Variants in ADGRL2 observed in about 807,000 individuals in gnomAD.
ADGRL2 encodes the protein adhesion G protein-coupled receptor L2, also known as calcium-independent alpha-latrotoxin receptor 2.
In ADGRL2, 44 loss-of-function variants were observed where a neutral mutation model predicts 157.4. That is an observed-to-expected ratio of 0.28 (90% CI 0.22 to 0.36). The LOEUF is 0.36. Among genes scored for constraint, ADGRL2 ranks in the 10% least tolerant of loss-of-function variants. The pLI is 1.00. For synonymous variants in ADGRL2, 585 were observed against 624.7 expected (o/e 0.94, Z 0.95); for missense variants, 1,510 against 1,768.9 (o/e 0.85, Z 2.63).
intron 2 of ADGRL2, among the ~76,000 whole-genome samples, chr1:81,575,379 T>C (rs956010704): frequency 2.6e-5 from 4 of 152,170 alleles, no homozygotes; most frequent in African/African-American, 4.8e-5. Context: ...GTTTTTACTA[T>C]TGTTTTGCCT....
chr1:81,573,847 T>C (rs1338080452), intron 2 of ADGRL2, among the ~76,000 whole-genome samples: 1 of 152,184 alleles, frequency 6.6e-6, no homozygotes, highest in Non-Finnish European at 1.5e-5. Flanking sequence ...TACCAAGTCT[T>C]ATTTTATATG....
intron 1 of ADGRL2, among the ~76,000 whole-genome samples, chr1:81,704,495 C>T (rs567397136): frequency 1.5e-4 from 23 of 152,220 alleles, no homozygotes; most frequent in African/African-American, 5.5e-4. Flanking sequence ...ATGTCTGGGC[C>T]TTCAAGGACC....
intron 11 of ADGRL2, among the ~76,000 whole-genome samples, chr1:81,960,456 T>C (rs1238749681): frequency 6.6e-6 from 1 of 152,102 alleles, no homozygotes; most frequent in South Asian, 2.1e-4. Context: ...AAATTCCCTT[T>C]TATTTATTGT....
chr1:81,923,860 C>G (rs1277673246), intron 3 of ADGRL2, among the ~76,000 whole-genome samples: 1 of 152,174 alleles, frequency 6.6e-6, no homozygotes, highest in Non-Finnish European at 1.5e-5. Context: ...ACAACAGTAC[C>G]CACTGCTCTT....
At chr1:81,546,333 T>C (rs1208333338) in intron 2 of ADGRL2, among the ~76,000 whole-genome samples, 1 of 152,216 alleles carries the variant, frequency 6.6e-6, no homozygotes, top group Non-Finnish European at 1.5e-5. Flanking sequence ...TTTTCTTTTT[T>C]GAATACTCAT....
At chr1:81,809,848 G>A (rs1264718303) in intron 1 of ADGRL2, among the ~76,000 whole-genome samples, 1 of 151,874 alleles carries the variant, frequency 6.6e-6, no homozygotes, top group African/African-American at 2.4e-5. Context: ...TTTTGAAAAT[G>A]GTATGACATA....
intron 23 of ADGRL2, chr1:81,989,716 C>A: frequency 6.2e-7 from 1 of 1,610,016 alleles, no homozygotes; most frequent in South Asian, 1.1e-5. Flanking sequence ...CAAAGTGAGT[C>A]ATTCCACCTG....
chr1:81,911,419 A>T (rs1355315038), intron 3 of ADGRL2, among the ~76,000 whole-genome samples: 3 of 152,204 alleles, frequency 2.0e-5, no homozygotes, highest in African/African-American at 4.8e-5. Context: ...TGATTAACAA[A>T]TTAATGAGAA....
chr1:81,841,008 A>T (rs2092555611), intron 2 of ADGRL2, among the ~76,000 whole-genome samples: 1 of 152,152 alleles, frequency 6.6e-6, no homozygotes, highest in African/African-American at 2.4e-5. Flanking sequence ...TATGCTGTAT[A>T]ATGGAGCCTT....
chr1:81,637,695 A>G (rs1268572984), intron 3 of ADGRL2, among the ~76,000 whole-genome samples: 2 of 152,218 alleles, frequency 1.3e-5, no homozygotes, highest in East Asian at 1.9e-4. Context: ...TGGAATTTTG[A>G]AGAAACAGAC....
chr1:81,840,312 G>C (rs1465618565), intron 2 of ADGRL2, among the ~76,000 whole-genome samples: 3 of 152,024 alleles, frequency 2.0e-5, no homozygotes, highest in Admixed American at 6.6e-5. Flanking sequence ...GTATACCATA[G>C]AATAGCCATG....
intron 1 of ADGRL2, among the ~76,000 whole-genome samples, chr1:81,323,791 C>T (rs1660696224): frequency 6.6e-6 from 1 of 152,126 alleles, no homozygotes; most frequent in African/African-American, 2.4e-5. Context: ...GGAGAGTGGT[C>T]ATTCCAAGCA....
At chr1:81,552,982 A>G (rs1489058313) in intron 2 of ADGRL2, among the ~76,000 whole-genome samples, 1 of 152,206 alleles carries the variant, frequency 6.6e-6, no homozygotes, top group Non-Finnish European at 1.5e-5. Context: ...TGAGAAACTA[A>G]TTGATAATAG....
rs115026148 is a variant in ADGRL2 at position 81,336,833 on chromosome 1, C to A, written c.-302+30324C>A. Among the ~76,000 whole-genome samples the A allele has an allele frequency of 2.3e-3, 356 of 152,244 alleles. 3 individuals carry two copies. The highest frequency in any genetic ancestry group is 8.2e-3 in the African/African-American group (339 of 41,532). On this transcript the variant is annotated intron_variant, in intron 1 of 24. Transcript: ENST00000370721. ...AGAACTTTACCTCCCCGTTTTCCCA[C>A]TCGAATGTTACCTTTTCAAAAACCA...
At chr1:81,468,080 C>T (rs2078097688) in intron 2 of ADGRL2, among the ~76,000 whole-genome samples, 1 of 151,968 alleles carries the variant, frequency 6.6e-6, no homozygotes, top group Non-Finnish European at 1.5e-5. Context: ...ATTTGGTTTT[C>T]TCGAAGATTG....
intron 2 of ADGRL2, among the ~76,000 whole-genome samples, chr1:81,839,499 A>G (rs2092447640): frequency 6.6e-6 from 1 of 151,936 alleles, no homozygotes; most frequent in Admixed American, 6.6e-5. Flanking sequence ...TATACACTGC[A>G]CCATATATGT....
At chr1:81,334,081 T>G (rs1051670046) in intron 1 of ADGRL2, among the ~76,000 whole-genome samples, 1 of 152,240 alleles carries the variant, frequency 6.6e-6, no homozygotes, top group Non-Finnish European at 1.5e-5. Context: ...TTATGGCATT[T>G]TGTTACAGCA....
intron 1 of ADGRL2, among the ~76,000 whole-genome samples, chr1:81,420,585 T>C (rs1190776437): frequency 6.6e-6 from 1 of 152,224 alleles, no homozygotes; most frequent in African/African-American, 2.4e-5. Context: ...GAGCATTGTT[T>C]TGTCCTTCAA....
chr1:81,614,097 G>T (rs146555951), intron 3 of ADGRL2, among the ~76,000 whole-genome samples: 1 of 152,116 alleles, frequency 6.6e-6, no homozygotes, highest in African/African-American at 2.4e-5. Context: ...TACGGCAATT[G>T]TTATTGGCAT....
Sources: allele counts gnomAD v4.1 joint callset (sites outside exome capture counted in the v4.1 genomes callset), GRCh38; gene constraint gnomAD v4.1.1; transcripts MANE v1.5; gene names NCBI Gene and HGNC (gene_info 2026-07-23, HGNC 2026-07-21).